Variants in NCALD observed in about 807,000 individuals in gnomAD.
NCALD encodes neurocalcin-delta.
NCALD carries 10 observed loss-of-function variants against 18.6 expected under a neutral mutation model. The observed-to-expected ratio is 0.54, with a 90% CI of 0.33 to 0.91. The LOEUF (loss-of-function observed/expected upper bound fraction) is 0.91. Among genes scored for constraint, NCALD ranks in the 40% least tolerant of loss-of-function variants. The pLI, the probability that NCALD is intolerant of heterozygous loss-of-function variation, is 0.03. For missense variants in NCALD, 184 were observed against 247.6 expected, an observed-to-expected ratio of 0.74 and a Z score of 1.72; for synonymous variants, 88 against 87.4, an observed-to-expected ratio of 1.01 and a Z score of -0.04.
At chr8:101,719,207 T>G (rs373805280) in intron 2 of NCALD, 45 bp downstream of exon 2, 32 of 1,580,898 alleles carry the variant, frequency 2.0e-5, no homozygotes, top group Non-Finnish European at 2.7e-5. Context: ...CAATTCTTAC[T>G]TGAGATACAT....
chr8:101,913,884 C>G (rs1053938814), intron 3 of NCALD, among the ~76,000 whole-genome samples: 1 of 152,122 alleles, frequency 6.6e-6, no homozygotes, highest in African/African-American at 2.4e-5. Flanking sequence ...GCCTGGCCTA[C>G]TTAACTGTTT....
intron 1 of NCALD, among the ~76,000 whole-genome samples, chr8:102,105,899 T>C (rs1375059478): frequency 6.6e-6 from 1 of 151,968 alleles, no homozygotes; most frequent in African/African-American, 2.4e-5. Flanking sequence ...ACACACTACC[T>C]CCCAGGATGG....
intron 2 of NCALD, among the ~76,000 whole-genome samples, chr8:102,001,483 C>T (rs1281072245): frequency 6.6e-6 from 1 of 152,242 alleles, no homozygotes; most frequent in Non-Finnish European, 1.5e-5. Flanking sequence ...CTTCCCCAAT[C>T]TGGCAAGGCA....
intron 2 of NCALD, among the ~76,000 whole-genome samples, chr8:101,718,240 TATTTC>T (rs1321273257): frequency 2.0e-5 from 3 of 152,330 alleles, no homozygotes; most frequent in South Asian, 2.1e-4. Context: ...TCCTTTTATT[TATTTC>T]ATTTCATTTC....
rs71268530 is a variant in NCALD, at chr8:101,801,643, C to CTTTTT, written c.-19-82000_-19-81996dup. ...TCTCTATGATTTACAAGCACACTTACTTTTTTTTTTTTTTTTTTTTTTTTT... is the reference window on the plus strand; with the variant it reads ...TCTCTATGATTTACAAGCACACTTACTTTTTTTTTTTTTTTTTTTTTTTTTTTTTT... On this transcript the variant is annotated intron_variant, in intron 4 of 6. Coordinates refer to the NCALD transcript ENST00000311028. Among the ~76,000 whole-genome samples, 237 of 44,168 alleles carry CTTTTT rather than the reference C, an allele frequency of 5.4e-3. 88 individuals carry two copies. The highest frequency in any genetic ancestry group is 9.6e-3 in the Non-Finnish European group (171 of 17,868). 29.0% of individuals were successfully genotyped at this position (44,168 alleles called of 152,430 possible).
intron 1 of NCALD, among the ~76,000 whole-genome samples, chr8:102,095,163 G>T (rs1226214258): frequency 6.6e-6 from 1 of 152,136 alleles, no homozygotes; most frequent in Admixed American, 6.5e-5. Flanking sequence ...TATGGGGGTG[G>T]TACTATGGTC....
rs557350964 is a variant in NCALD at position 101,955,133 on chromosome 8, C to A, written c.-156-39275G>T. ...TAAATGGCAGAAGCAATGAATAAGGCGAGAGTGAAGAAGAAGCTTAAAGAG... is the reference window on the plus strand; with the variant it reads ...TAAATGGCAGAAGCAATGAATAAGGAGAGAGTGAAGAAGAAGCTTAAAGAG... On this transcript the variant is annotated intron_variant, in intron 2 of 6. Transcript: ENST00000311028. 6.6e-5 allele frequency among the ~76,000 whole-genome samples: 10 copies of A among 152,230 alleles called. No homozygotes were observed. The South Asian group carries it at 2.1e-3, about 32-fold the overall frequency.
intron 2 of NCALD, among the ~76,000 whole-genome samples, chr8:101,985,718 G>A (rs1007651057): frequency 6.6e-6 from 1 of 152,176 alleles, no homozygotes; most frequent in African/African-American, 2.4e-5. Flanking sequence ...GTCCCTTCAC[G>A]TTAGGATCCC....
In NCALD at chr8:101,735,831, T is replaced by C. The variant is rs376010740; in HGVS notation, c.-19-16183A>G. Among the ~76,000 whole-genome samples the C allele has an allele frequency of 3.9e-5, 6 of 152,364 alleles. No homozygotes were observed. The South Asian group carries it at 8.3e-4, about 21-fold the overall frequency. Reference sequence around the variant, plus strand: ...CTACGCTGTGGCCAGCGGAGGCTAATATTATGTCTGAGGTGAGGAGTGAGG... The same window carrying C: ...CTACGCTGTGGCCAGCGGAGGCTAACATTATGTCTGAGGTGAGGAGTGAGG... On this transcript the variant is annotated intron_variant, in intron 1 of 3. Coordinates refer to ENST00000220931, the MANE Select transcript of NCALD (RefSeq NM_032041.3).
At chr8:102,048,714 G>A (rs1424217776) in intron 1 of NCALD, among the ~76,000 whole-genome samples, 1 of 152,132 alleles carries the variant, frequency 6.6e-6, no homozygotes, top group African/African-American at 2.4e-5. Flanking sequence ...GCCTCCTTAT[G>A]TACTTTCTTC....
chr8:101,770,819 C>A (rs1372144961), intron 1 of NCALD, among the ~76,000 whole-genome samples: 3 of 152,028 alleles, frequency 2.0e-5, no homozygotes, highest in Non-Finnish European at 1.5e-5. Flanking sequence ...CATCTTTATG[C>A]GGGTTGAAGA....
chr8:102,105,145 T>C (rs560440154), intron 1 of NCALD, among the ~76,000 whole-genome samples: 118 of 152,304 alleles, frequency 7.7e-4, no homozygotes, highest in African/African-American at 2.8e-3. Flanking sequence ...ACCAATTAAT[T>C]TGATTTTTTT....
rs1362023921 is a variant in NCALD, at chr8:102,082,224, C to CTTTTTT, written c.-210+42012_-210+42013insAAAAAA. 2.9e-4 allele frequency among the ~76,000 whole-genome samples: 32 copies of CTTTTTT among 109,470 alleles called. 1 individual carries two copies. The highest frequency in any genetic ancestry group is 6.0e-4 in the African/African-American group (16 of 26,508). The allele number at this position is 109,470 out of a possible 152,430, so 71.8% of individuals were successfully genotyped here. A position where few individuals can be genotyped will look rare whatever the true frequency, so the allele number is the denominator to read the frequency against. On this transcript the variant is annotated intron_variant, in intron 1 of 6. Transcript: ENST00000311028. Reference sequence around the variant, plus strand: ...AATGGGCAGTTATTTGAGAAGCTCTCTCTTTTTTTTTTTTTTTTTTTTTTT... The same window carrying CTTTTTT: ...AATGGGCAGTTATTTGAGAAGCTCTCTTTTTTTCTTTTTTTTTTTTTTTTTTTTTTT...
At chr8:102,094,476 C>T (rs1029879931) in intron 1 of NCALD, among the ~76,000 whole-genome samples, 5 of 152,230 alleles carry the variant, frequency 3.3e-5, no homozygotes, top group Non-Finnish European at 7.3e-5. Flanking sequence ...GATTTAAACA[C>T]ATCTGCCTCC....
At chr8:101,871,564 C>T (rs551718119) in intron 4 of NCALD, among the ~76,000 whole-genome samples, 1 of 147,634 alleles carries the variant, frequency 6.8e-6, no homozygotes, top group South Asian at 2.1e-4. Flanking sequence ...ATATTTTAAT[C>T]CTCTGGAATT....
Position 102,060,260 on chromosome 8 carries a change from C to T in NCALD, c.-209-39971G>A, listed in dbSNP as rs975125443. On this transcript the variant is annotated intron_variant, in intron 1 of 6. Transcript: ENST00000311028. Reference sequence around the variant, plus strand: ...CCTCCCAAAATGCTGGGATTACAGGCATGAGCCACTGCGCCCGGCCTGAAG... The same window carrying T: ...CCTCCCAAAATGCTGGGATTACAGGTATGAGCCACTGCGCCCGGCCTGAAG... Among the ~76,000 whole-genome samples the T allele has an allele frequency of 5.3e-5, 8 of 152,306 alleles. No homozygotes were observed. The East Asian group carries it at 7.7e-4, about 15-fold the overall frequency.
chr8:101,968,584 T>A (rs564527032), intron 2 of NCALD, among the ~76,000 whole-genome samples: 4 of 152,126 alleles, frequency 2.6e-5, no homozygotes, highest in African/African-American at 9.7e-5. Context: ...GCTTCCTGAC[T>A]CAGGACGCTG....
chr8:101,941,477 C>G (rs1048498033), intron 2 of NCALD, among the ~76,000 whole-genome samples: 1 of 152,212 alleles, frequency 6.6e-6, no homozygotes, highest in Non-Finnish European at 1.5e-5. Context: ...CCAGTACCAG[C>G]CCGGGACCCC....
rs1341363365 is a variant in NCALD, at chr8:102,116,760, G to A, written c.-210+7477C>T. Among the ~76,000 whole-genome samples, 13 of 151,862 alleles carry A rather than the reference G, an allele frequency of 8.6e-5. No homozygotes were observed. The South Asian group carries it at 2.7e-3, about 32-fold the overall frequency. On this transcript the variant is annotated intron_variant, in intron 1 of 6. Transcript: ENST00000311028. ...TGGGCTCAAGCAATCCTCCTGCCTC[G>A]ACCTCCCAAAGTGCTGGGATTACAG... is the stretch of plus-strand genomic sequence containing the variant.
Sources: allele counts gnomAD v4.1 joint callset (sites outside exome capture counted in the v4.1 genomes callset), GRCh38; gene constraint gnomAD v4.1.1; transcripts MANE v1.5; gene names NCBI Gene and HGNC (gene_info 2026-07-23, HGNC 2026-07-21).